CDC42BPA: variants seen among roughly 807,000 people sequenced by gnomAD.
The protein encoded by CDC42BPA is serine/threonine-protein kinase MRCK alpha.
Under a neutral mutation model 223.5 loss-of-function variants are expected in CDC42BPA, and 80 were observed. That is an observed-to-expected ratio of 0.36 (90% CI 0.30 to 0.43). The LOEUF is 0.43. CDC42BPA is among the 20% of genes least tolerant of loss of function. The pLI, the probability that CDC42BPA is intolerant of heterozygous loss-of-function variation, is 1.00. For missense variants in CDC42BPA, 1,743 were observed against 2,099.9 expected, an observed-to-expected ratio of 0.83 and a Z score of 3.32; for synonymous variants, 694 against 718.6, an observed-to-expected ratio of 0.97 and a Z score of 0.55.
chr1:227,018,866 A>G (rs1305628814), intron 32 of CDC42BPA, among the ~76,000 whole-genome samples: 1 of 152,210 alleles, frequency 6.6e-6, no homozygotes, highest in East Asian at 1.9e-4. Flanking sequence ...TTTATTGCCA[A>G]AAATGCTAAC....
At chr1:227,162,909 T>TATATGTGTGTGTTTCCAAAC (rs1444656724) in intron 5 of CDC42BPA, among the ~76,000 whole-genome samples, 3 of 137,968 alleles carry the variant, frequency 2.2e-5, no homozygotes, top group Admixed American at 1.5e-4. Flanking sequence ...TATGTGTGTG[T>TATATGTGTGTGTTTCCAAAC]ATATGTGTGT....
intron 10 of CDC42BPA, among the ~76,000 whole-genome samples, chr1:227,131,014 G>A (rs1008056164): frequency 3.3e-5 from 5 of 152,098 alleles, no homozygotes; most frequent in African/African-American, 7.2e-5. Flanking sequence ...CTACTGAAAT[G>A]ACCATTTCCT....
chr1:227,253,216 A>AGAGAGAGAGGAGG (rs1682346066), intron 2 of CDC42BPA, among the ~76,000 whole-genome samples: 3 of 150,512 alleles, frequency 2.0e-5, no homozygotes, highest in African/African-American at 7.3e-5. Context: ...AAGAGAGAGG[A>AGAGAGAGAGGAGG]GAGAGAGAGG....
intron 6 of CDC42BPA, among the ~76,000 whole-genome samples, chr1:227,156,786 G>A (rs894447027): frequency 1.3e-5 from 2 of 152,092 alleles, no homozygotes; most frequent in Admixed American, 6.5e-5. Flanking sequence ...TGAGTCCATC[G>A]GGCTTGTAAT....
At chr1:227,189,656 T>C (rs533420920) in intron 5 of CDC42BPA, among the ~76,000 whole-genome samples, 1 of 152,360 alleles carries the variant, frequency 6.6e-6, no homozygotes, top group African/African-American at 2.4e-5. Context: ...ATATTTTACT[T>C]TAATTATTCG....
intron 24 of CDC42BPA, among the ~76,000 whole-genome samples, chr1:227,037,029 A>G (rs1670411780): frequency 6.6e-6 from 1 of 152,208 alleles, no homozygotes; most frequent in Non-Finnish European, 1.5e-5. Flanking sequence ...AGAAGGGAAG[A>G]GAGTCTGAGA....
chr1:227,256,948 G>GACACACACACACACACACAC (rs55961981), intron 1 of CDC42BPA, among the ~76,000 whole-genome samples: 378 of 141,100 alleles, frequency 2.7e-3, no homozygotes, highest in Middle Eastern at 7.1e-3. Flanking sequence ...TATATATACA[G>GACACACACACACACACACAC]ACACACACAC....
intron 2 of CDC42BPA, among the ~76,000 whole-genome samples, chr1:227,222,935 C>T (rs983663655): frequency 1.3e-5 from 2 of 152,138 alleles, no homozygotes; most frequent in African/African-American, 4.8e-5. Flanking sequence ...CCCACAAGTT[C>T]CTGCCCCCCA....
chr1:227,265,815 A>G (rs1477720856), intron 1 of CDC42BPA, among the ~76,000 whole-genome samples: 2 of 152,158 alleles, frequency 1.3e-5, no homozygotes, highest in African/African-American at 4.8e-5. Flanking sequence ...TAAGGAATGT[A>G]TTTTTAAAAA....
rs552616604 is a variant in CDC42BPA, at chr1:227,314,346, C to T, written c.178+2659G>A. On this transcript the variant is annotated intron_variant, in intron 1 of 36. Coordinates refer to ENST00000366766, the MANE Select transcript of CDC42BPA (RefSeq NM_001394014.1). Reference sequence around the variant, plus strand: ...AAATGTGATCTATAGTCTTAAGGCACTTTTATTCCCTTGCTCTAGTGATCA... The same window carrying T: ...AAATGTGATCTATAGTCTTAAGGCATTTTTATTCCCTTGCTCTAGTGATCA... Among the ~76,000 whole-genome samples the T allele has an allele frequency of 1.2e-4, 19 of 152,134 alleles. No individual in the cohort carries two copies. In the South Asian group the frequency reaches 3.9e-3, roughly 32 times the overall value.
intron 31 of CDC42BPA, among the ~76,000 whole-genome samples, chr1:227,024,269 A>G (rs987517994): frequency 7.2e-5 from 11 of 152,228 alleles, no homozygotes; most frequent in Non-Finnish European, 1.5e-4. Context: ...TGAAACTTCA[A>G]TGAAATACTA....
At chr1:227,231,171 T>C (rs1345359719) in intron 2 of CDC42BPA, among the ~76,000 whole-genome samples, 4 of 122,102 alleles carry the variant, frequency 3.3e-5, no homozygotes, top group Non-Finnish European at 6.4e-5. Context: ...GTGCGTGATG[T>C]TCCCCACCCT....
chr1:227,045,128 C>A (rs1320415075), intron 23 of CDC42BPA, among the ~76,000 whole-genome samples: 1 of 152,190 alleles, frequency 6.6e-6, no homozygotes, highest in Non-Finnish European at 1.5e-5. Context: ...CTTTCCTTGT[C>A]CCCTTCCTTG....
chr1:227,286,181 T>C (rs1688771407), intron 1 of CDC42BPA, among the ~76,000 whole-genome samples: 1 of 152,216 alleles, frequency 6.6e-6, no homozygotes, highest in African/African-American at 2.4e-5. Flanking sequence ...GACTGAGATT[T>C]TTCCAAAATT....
intron 11 of CDC42BPA, among the ~76,000 whole-genome samples, chr1:227,120,802 A>G (rs975282319): frequency 6.6e-6 from 1 of 152,148 alleles, no homozygotes; most frequent in Non-Finnish European, 1.5e-5. Flanking sequence ...TTATTACTCT[A>G]AGTCAGCAAT....
chr1:227,074,200 T>C (rs926767300), intron 18 of CDC42BPA, 59 bp downstream of exon 18: 2 of 1,423,446 alleles, frequency 1.4e-6, no homozygotes, highest in Non-Finnish European at 2.0e-6. Context: ...TATTATAGTG[T>C]TTTTTAAATC....
At chr1:227,168,497 G>GTTTTGGTTT (rs1553374263) in intron 5 of CDC42BPA, among the ~76,000 whole-genome samples, 1 of 80,196 alleles carries the variant, frequency 1.2e-5, no homozygotes, top group Non-Finnish European at 2.4e-5. Context: ...CTTCCCTGGT[G>GTTTTGGTTT]TTTTTTTTTT....
At chr1:227,016,660 A>G (rs1227940703) in intron 33 of CDC42BPA, among the ~76,000 whole-genome samples, 1 of 134,822 alleles carries the variant, frequency 7.4e-6, no homozygotes, top group Non-Finnish European at 1.6e-5. Context: ...AAGGTACACA[A>G]TCCAAAAATA....
intron 17 of CDC42BPA, among the ~76,000 whole-genome samples, chr1:227,077,054 A>C (rs956853239): frequency 3.9e-5 from 6 of 152,190 alleles, no homozygotes; most frequent in African/African-American, 7.2e-5. Context: ...CAAATGATCA[A>C]TTAGTTAATA....
Sources: allele counts gnomAD v4.1 joint callset (sites outside exome capture counted in the v4.1 genomes callset), GRCh38; gene constraint gnomAD v4.1.1; transcripts MANE v1.5; gene names NCBI Gene and HGNC (gene_info 2026-07-23, HGNC 2026-07-21).